Variants in JCAD observed in about 807,000 individuals in gnomAD.
The protein encoded by JCAD is junctional cadherin 5 associated, also known as junctional cadherin 5-associated protein.
Under a neutral mutation model 98.0 loss-of-function variants are expected in JCAD, and 40 were observed. That is an observed-to-expected ratio of 0.41 (90% CI 0.32 to 0.53). The LOEUF is 0.53. Among genes scored for constraint, JCAD ranks in the 20% least tolerant of loss-of-function variants. The pLI, the probability that JCAD is intolerant of heterozygous loss-of-function variation, is 0.31. For synonymous variants in JCAD, 691 were observed against 682.3 expected (o/e 1.01, Z -0.20); for missense variants, 1,705 against 1,738.1 (o/e 0.98, Z 0.34).
chr10:30,090,047 A>G (rs994562355), intron 1 of JCAD, among the ~76,000 whole-genome samples: 3 of 152,218 alleles, frequency 2.0e-5, no homozygotes, highest in African/African-American at 7.2e-5. Context: ...GTGCTTATGT[A>G]GTCAAGTGCC....
chr10:30,103,928 A>G (rs559056396), intron 1 of JCAD, among the ~76,000 whole-genome samples: 125 of 152,166 alleles, frequency 8.2e-4, no homozygotes, highest in African/African-American at 3.0e-3. Flanking sequence ...TTTGCCATAT[A>G]ACACAGGAAA....
At chr10:30,074,612 A>G (rs1430542761) in intron 1 of JCAD, among the ~76,000 whole-genome samples, 2 of 152,222 alleles carry the variant, frequency 1.3e-5, no homozygotes, top group Admixed American at 6.5e-5. Context: ...TGGTAGGGCT[A>G]TAGATGAAAG....
At chr10:30,112,625 A>G (rs1318321340) in intron 1 of JCAD, among the ~76,000 whole-genome samples, 1 of 152,132 alleles carries the variant, frequency 6.6e-6, no homozygotes, top group Non-Finnish European at 1.5e-5. Context: ...TAATCCTAGC[A>G]CTTTTGGAAG....
intron 1 of JCAD, among the ~76,000 whole-genome samples, chr10:30,072,141 AAGGGAAGGGAAGAAGGGAGGAGGG>A (rs944120475): frequency 6.6e-6 from 1 of 151,590 alleles, no homozygotes; most frequent in African/African-American, 2.4e-5. Context: ...CAGGGCAGGG[AAGGGAAGGGAAGAAGGGAGGAGGG>A]AGGGAAGGAG....
At chr10:30,092,127 A>ATATATATATATATATATATATATATATAT (rs1589715617) in intron 1 of JCAD, among the ~76,000 whole-genome samples, 1 of 80,902 alleles carries the variant, frequency 1.2e-5, no homozygotes, top group Admixed American at 1.9e-4. Context: ...TATATATATA[A>ATATATATATATATATATATATATATATAT]AAAACATTTT....
At chr10:30,083,342 A>G (rs920369724) in intron 1 of JCAD, among the ~76,000 whole-genome samples, 1 of 152,196 alleles carries the variant, frequency 6.6e-6, no homozygotes, top group African/African-American at 2.4e-5. Flanking sequence ...TACCACCTCC[A>G]TCAAATGCTC....
intron 1 of JCAD, among the ~76,000 whole-genome samples, chr10:30,112,521 A>G (rs12245803): frequency 1.3e-5 from 2 of 152,172 alleles, no homozygotes; most frequent in East Asian, 3.9e-4. Context: ...AAAAAATTAC[A>G]ATGCTAAGTG....
At chr10:30,062,730 A>C (rs1276172012), upstream of JCAD, among the ~76,000 whole-genome samples, 2 of 152,160 alleles carry the variant, frequency 1.3e-5, no homozygotes, top group Non-Finnish European at 2.9e-5. Context: ...ACTCTTTATC[A>C]AACCACCAGA....
intron 1 of JCAD, among the ~76,000 whole-genome samples, chr10:30,069,979 C>T (rs1432558983): frequency 1.3e-5 from 2 of 152,070 alleles, no homozygotes; most frequent in Non-Finnish European, 2.9e-5. Flanking sequence ...TGGTTAGCCT[C>T]TTATGGACCT....
At chr10:30,104,849 G>C (rs568681226) in intron 1 of JCAD, among the ~76,000 whole-genome samples, 1 of 152,298 alleles carries the variant, frequency 6.6e-6, no homozygotes, top group South Asian at 2.1e-4. Context: ...TTAGAGAAGA[G>C]AGAAGAGCGG....
chr10:30,049,064 G>C (rs774843462), intron 1 of JCAD, among the ~76,000 whole-genome samples: 26 of 152,172 alleles, frequency 1.7e-4, no homozygotes, highest in Non-Finnish European at 2.8e-4. Context: ...ACCTACCTAC[G>C]AGCAAAAGAG....
At chr10:30,017,988 C>A (rs1836572998) in intron 3 of JCAD, 71 bp from the exon 4 acceptor site, 1 of 1,216,452 alleles carries the variant, frequency 8.2e-7, no homozygotes, top group Non-Finnish European at 1.2e-6. Context: ...AATCCTTAGA[C>A]CACGAATTTG....
chr10:30,073,354 A>G (rs1837927598), intron 1 of JCAD, among the ~76,000 whole-genome samples: 1 of 152,236 alleles, frequency 6.6e-6, no homozygotes, highest in Admixed American at 6.5e-5. Flanking sequence ...TACAGAGCCA[A>G]CATTCTATGA....
intron 1 of JCAD, among the ~76,000 whole-genome samples, chr10:30,104,778 T>G (rs942628993): frequency 7.3e-6 from 1 of 137,514 alleles, no homozygotes; most frequent in Non-Finnish European, 1.6e-5. Flanking sequence ...CAAAAGTTTT[T>G]TGTTTTTGTT....
At chr10:30,019,550 T>TA (rs1564437794) in intron 3 of JCAD, among the ~76,000 whole-genome samples, 13 of 42,632 alleles carry the variant, frequency 3.0e-4, no homozygotes, top group Middle Eastern at 0.027. Flanking sequence ...GTGGAATCAT[T>TA]TAAAAAAAAA....
At chr10:30,089,149 G>T (rs962026195) in intron 1 of JCAD, among the ~76,000 whole-genome samples, 4 of 152,074 alleles carry the variant, frequency 2.6e-5, no homozygotes, top group Non-Finnish European at 5.9e-5. Flanking sequence ...TGTGCTGGGG[G>T]TGGAGGCTGT....
chr10:30,098,932 G>A (rs867358735), intron 1 of JCAD, among the ~76,000 whole-genome samples: 10 of 152,076 alleles, frequency 6.6e-5, no homozygotes, highest in South Asian at 2.1e-4. Flanking sequence ...CAATGTACTC[G>A]CCTTGGTTTT....
At position 30,022,395 on chromosome 10, in the gene JCAD, T is replaced by TG. The variant is rs887409581; in HGVS notation, c.4045+3707dup. 1.1e-4 allele frequency among the ~76,000 whole-genome samples: 15 copies of TG among 139,496 alleles called. 1 individual carries two copies. The highest frequency in any genetic ancestry group is 1.0e-3 in the Admixed American group (14 of 13,948). The allele number at this position is 139,496 out of a possible 152,430, so 91.5% of individuals were successfully genotyped here. On this transcript the variant is annotated intron_variant, in intron 3 of 3. Coordinates refer to ENST00000375377, the MANE Select transcript of JCAD (RefSeq NM_020848.4). ...TGGGGTCATGGGGGCAGCAGTGCAG[T>TG]GGGGAAGAGATGAGGATTCTTATGT...
Position 30,027,347 on chromosome 10 carries a change from C to A in JCAD, c.2801G>T (p.Arg934Leu). 6.2e-7 allele frequency: 1 copy of A among 1,612,222 alleles called. No homozygotes were observed. The highest frequency in any genetic ancestry group is 8.5e-7 in the Non-Finnish European group (1 of 1,180,040). The change falls in exon 3 of 4, where the codon CGC becomes CTC. Residue 934 changes from arginine to leucine, a missense_variant. Around this residue, in one of 3 missense-constraint regions of JCAD, gnomAD observed 1,278 missense variants for 1,243.1 expected, o/e 1.03. Coordinates refer to ENST00000375377, the MANE Select transcript of JCAD (RefSeq NM_020848.4). ...HPRAWPPSPG[R>L]FRVEEGGGAP... Reference sequence around the variant, plus strand: ...ACCGCCACCTTCTTCCACGCGAAAGCGGCCCGGGGATGGAGGCCAGGCACG... The same window carrying A: ...ACCGCCACCTTCTTCCACGCGAAAGAGGCCCGGGGATGGAGGCCAGGCACG...
Sources: allele counts gnomAD v4.1 joint callset (sites outside exome capture counted in the v4.1 genomes callset), GRCh38; gene constraint gnomAD v4.1.1; regional missense constraint gnomAD v4.1.1; transcripts MANE v1.5; gene names NCBI Gene and HGNC (gene_info 2026-07-23, HGNC 2026-07-21).